The following HACE1 variants were observed in gnomAD, a reference collection of about 807,000 sequenced individuals.
HACE1 encodes the protein E3 ubiquitin-protein ligase HACE1.
Under a neutral mutation model 118.4 loss-of-function variants are expected in HACE1, and 73 were observed. That is an observed-to-expected ratio of 0.62 (90% CI 0.51 to 0.75). HACE1 has a LOEUF of 0.75. Ranked by LOEUF, HACE1 falls within the 30% of genes least tolerant of loss-of-function variation. HACE1 has a pLI of 0.00. For synonymous variants in HACE1, 368 were observed against 374.8 expected (o/e 0.98, Z 0.21); for missense variants, 749 against 1,102.2 (o/e 0.68, Z 4.54).
chr6:104,823,015 A>G (rs2486144), intron 6 of HACE1, among the ~76,000 whole-genome samples: 135,163 of 152,276 alleles, frequency 0.89, 60,018 homozygotes, highest in Middle Eastern at 0.94. Flanking sequence ...TAGAAAAAAA[A>G]CATGATTTAC....
chr6:104,754,164 G>A (rs755805919), intron 19 of HACE1, among the ~76,000 whole-genome samples: 15 of 141,250 alleles, frequency 1.1e-4, no homozygotes, highest in Non-Finnish European at 1.8e-4. Context: ...CTCAGAGCTT[G>A]AAGACTGTCC....
intron 5 of HACE1, chr6:104,842,449 CAA>C (rs1227354511): frequency 6.6e-6 from 1 of 151,360 alleles, no homozygotes; most frequent in Non-Finnish European, 1.5e-5. Flanking sequence ...ACTGAAAATA[CAA>C]AAGTTTTTTT....
intron 19 of HACE1, among the ~76,000 whole-genome samples, chr6:104,756,462 CTTA>C (rs1391027448): frequency 1.3e-5 from 2 of 149,244 alleles, no homozygotes; most frequent in South Asian, 2.1e-4. Flanking sequence ...CACACACACA[CTTA>C]TTATTAAAGT....
At chr6:104,852,273 T>C (rs769013851) in intron 2 of HACE1, 44 bp downstream of exon 2, 11 of 1,218,458 alleles carry the variant, frequency 9.0e-6, no homozygotes, top group East Asian at 7.0e-5. Context: ...TTTAGAACAA[T>C]GTATGCTTCT....
At chr6:104,769,264 G>A (rs185096630) in intron 19 of HACE1, among the ~76,000 whole-genome samples, 2 of 152,094 alleles carry the variant, frequency 1.3e-5, no homozygotes, top group East Asian at 3.9e-4. Context: ...CGAACTCCTG[G>A]CCTCAAGCAA....
Position 104,859,714 on chromosome 6 carries a change from T to G in HACE1, c.-72A>C. On this transcript the variant is annotated 5_prime_UTR_variant, in exon 1 of 24. It removes an upstream start codon present in the reference 5' UTR. Coordinates refer to ENST00000262903, the MANE Select transcript of HACE1 (RefSeq NM_020771.4). ...CGGCCTCCGCGCCCAGAGCCCTACA[T>G]CTCGCCTGGGCCCGTCCAGCAGGCG... 4 of 1,327,566 alleles carry G rather than the reference T, an allele frequency of 3.0e-6. No homozygotes were observed. Among genetic ancestry groups the G allele is most frequent in the Non-Finnish European group, 4.1e-6 (4 of 965,788 alleles). The allele number at this position is 1,327,566 out of a possible 1,614,324, so 82.2% of individuals were successfully genotyped here.
rs1782215620 is a variant in HACE1 at position 104,785,165 on chromosome 6, G to A, written c.1229C>T (p.Pro410Leu). 6.2e-7 allele frequency: 1 copy of A among 1,614,014 alleles called. No individual in the cohort carries two copies. Among genetic ancestry groups the A allele is most frequent in the Non-Finnish European group, 8.5e-7 (1 of 1,179,950 alleles). ...ATTTTCATAGCTCCCAGGTCCTGGA[G>A]GTTCAAATGGAGGAATGGAAGCAGC... The part of the protein sequence containing the change: ...QDAASIPPFE[P>L]PGPGSYENLS... Residue 410 changes from proline (P) to leucine (L), a missense_variant, in exon 12 of 24, where the codon CCT (proline) becomes CTT (leucine). Around this residue, in one of 5 missense-constraint regions of HACE1, gnomAD observed 267 missense variants for 312.2 expected, o/e 0.86. Coordinates refer to ENST00000262903, the MANE Select transcript of HACE1 (RefSeq NM_020771.4).
chr6:104,788,985 T>C (rs927231567), intron 11 of HACE1, among the ~76,000 whole-genome samples: 9 of 152,112 alleles, frequency 5.9e-5, no homozygotes, highest in African/African-American at 2.2e-4. Context: ...GAGTACCTTG[T>C]TAATGAAATG....
At chr6:104,842,459 T>C (rs1477131551) in intron 5 of HACE1, 2 of 151,914 alleles carry the variant, frequency 1.3e-5, no homozygotes, top group African/African-American at 2.4e-5. Context: ...CAAAAGTTTT[T>C]TTTTTTTTTA....
rs550745921 is a variant in HACE1 at position 104,783,126 on chromosome 6, G to A, written c.1566+960C>T. Among the ~76,000 whole-genome samples, 21 of 152,136 alleles carry A rather than the reference G, an allele frequency of 1.4e-4. No homozygotes were observed. In the East Asian group the frequency reaches 4.1e-3, roughly 29 times the overall value. On this transcript the variant is annotated intron_variant, in intron 14 of 23. Coordinates refer to ENST00000262903, the MANE Select transcript of HACE1 (RefSeq NM_020771.4). ...ATACTGCAGTTTTACATACTTTTCGGTCTACATGCTCCAGCCCACATGGTG... is the reference window on the plus strand; with the variant it reads ...ATACTGCAGTTTTACATACTTTTCGATCTACATGCTCCAGCCCACATGGTG...
intron 6 of HACE1, among the ~76,000 whole-genome samples, chr6:104,824,425 A>G (rs917100617): frequency 6.6e-6 from 1 of 152,230 alleles, no homozygotes; most frequent in African/African-American, 2.4e-5. Flanking sequence ...CCAAAGTGCT[A>G]CAAGATAATC....
In HACE1 at chr6:104,859,763, G is replaced by C. The variant is rs1777136831; in HGVS notation, c.-121C>G. The C allele has an allele frequency of 3.3e-6, 3 of 913,308 alleles. No individual in the cohort carries two copies. Among genetic ancestry groups the C allele is most frequent in the South Asian group, 3.2e-5 (2 of 61,992 alleles). The allele number at this position is 913,308 out of a possible 1,614,324, so 56.6% of individuals were successfully genotyped here. ...CGGAGACGCGGGCTTGCCCCGGCTA[G>C]AGCACTGAGCTGCGAGGGCTGCCTG... On this transcript the variant is annotated 5_prime_UTR_variant, in exon 1 of 24. Coordinates refer to ENST00000262903, the MANE Select transcript of HACE1 (RefSeq NM_020771.4).
chr6:104,844,880 T>C (rs927543749), intron 4 of HACE1, among the ~76,000 whole-genome samples: 2 of 150,994 alleles, frequency 1.3e-5, no homozygotes, highest in Non-Finnish European at 2.9e-5. Context: ...GCCAGGCTCA[T>C]CTTGAACTCC....
chr6:104,766,509 G>A (rs1338916115), intron 19 of HACE1, among the ~76,000 whole-genome samples: 1 of 152,128 alleles, frequency 6.6e-6, no homozygotes, highest in Non-Finnish European at 1.5e-5. Context: ...ATAATCTATG[G>A]ATAAAAGTCT....
intron 11 of HACE1, among the ~76,000 whole-genome samples, chr6:104,788,667 C>G (rs1782688869): frequency 6.6e-6 from 1 of 152,070 alleles, no homozygotes; most frequent in Admixed American, 6.6e-5. Flanking sequence ...TCACAGCTTA[C>G]TATTCACAAA....
intron 2 of HACE1, among the ~76,000 whole-genome samples, chr6:104,851,334 G>A (rs140885867): frequency 2.6e-5 from 4 of 152,168 alleles, no homozygotes; most frequent in South Asian, 2.1e-4. Flanking sequence ...TGCCTGCCTC[G>A]GCCTCCCGAA....
chr6:104,795,498 A>G (rs181192723), intron 10 of HACE1, 81 bp downstream of exon 10: 3 of 851,614 alleles, frequency 3.5e-6, no homozygotes, highest in African/African-American at 3.3e-5. Context: ...GACAAAAGGT[A>G]TCCCACAGAA....
intron 3 of HACE1, among the ~76,000 whole-genome samples, chr6:104,849,625 G>T (rs1265805791): frequency 6.7e-6 from 1 of 148,500 alleles, no homozygotes; most frequent in Non-Finnish European, 1.5e-5. Context: ...TTACAGGTGT[G>T]AGCCGCCATG....
chr6:104,729,925 A>G (rs1775023360), intron 23 of HACE1, among the ~76,000 whole-genome samples, 161 bp from the exon 24 acceptor site: 2 of 152,192 alleles, frequency 1.3e-5, no homozygotes, highest in South Asian at 2.1e-4. Flanking sequence ...AGAAGAAAAA[A>G]TCTGCTGCAT....
Sources: gnomAD v4.1 joint callset for allele counts (sites outside exome capture counted in the v4.1 genomes callset) on GRCh38, gnomAD v4.1.1 for gene constraint, gnomAD v4.1.1 regional missense constraint, MANE v1.5 for transcripts, NCBI Gene and HGNC (gene_info 2026-07-23, HGNC 2026-07-21) for gene names.